TRIM24: variants seen among roughly 807,000 people sequenced by gnomAD.
The protein encoded by TRIM24 is transcription intermediary factor 1-alpha.
TRIM24 carries 29 observed loss-of-function variants against 123.9 expected under a neutral mutation model. The observed-to-expected ratio is 0.23, with a 90% CI of 0.17 to 0.32. The LOEUF is 0.32. Ranked by LOEUF, TRIM24 falls within the 10% of genes least tolerant of loss-of-function variation. The pLI is 1.00. For synonymous variants in TRIM24, 456 were observed against 461.1 expected, an observed-to-expected ratio of 0.99 and a Z score of 0.14; for missense variants, 932 against 1,295.3, an observed-to-expected ratio of 0.72 and a Z score of 4.31.
intron 12 of TRIM24, among the ~76,000 whole-genome samples, chr7:138,575,921 T>TATCA (rs763176773): frequency 1.3e-5 from 2 of 152,226 alleles, no homozygotes; most frequent in Admixed American, 1.3e-4. Flanking sequence ...ACTCCTTTTC[T>TATCA]ATCAGCCCGT....
intron 11 of TRIM24, 109 bp downstream of exon 11, chr7:138,571,112 T>G: frequency 8.7e-7 from 1 of 1,149,654 alleles, no homozygotes; most frequent in Non-Finnish European, 1.3e-6. Flanking sequence ...GACAGATTAC[T>G]TGAGGTCAGG....
intron 6 of TRIM24, among the ~76,000 whole-genome samples, chr7:138,533,530 T>A (rs895050245): frequency 1.3e-5 from 2 of 152,212 alleles, no homozygotes; most frequent in Non-Finnish European, 2.9e-5. Flanking sequence ...TTGATTTGCA[T>A]GTGTTGAACC....
intron 5 of TRIM24, among the ~76,000 whole-genome samples, chr7:138,528,036 A>G (rs985125010): frequency 6.6e-6 from 1 of 151,384 alleles, no homozygotes; most frequent in Non-Finnish European, 1.5e-5. Context: ...GAACAAAGGC[A>G]GTTAATCATA....
intron 1 of TRIM24, among the ~76,000 whole-genome samples, chr7:138,484,675 T>G (rs2116484900): frequency 6.6e-6 from 1 of 152,284 alleles, no homozygotes; most frequent in Admixed American, 6.5e-5. Context: ...ATGAATTTTT[T>G]TGTAGAGTTA....
chr7:138,531,212 T>C (rs1433541477), intron 6 of TRIM24, among the ~76,000 whole-genome samples: 2 of 147,090 alleles, frequency 1.4e-5, no homozygotes, highest in Admixed American at 6.7e-5. Flanking sequence ...CATGTATACG[T>C]GTATGTTACA....
Position 138,476,232 on chromosome 7 carries a change from A to G in TRIM24, c.364+15320A>G, listed in dbSNP as rs144715731. On this transcript the variant is annotated intron_variant, in intron 1 of 18. Coordinates refer to ENST00000343526, the MANE Select transcript of TRIM24 (RefSeq NM_015905.3). Reference sequence around the variant, plus strand: ...GGTCATCTATTGCATATAAGAGAATATACATTTTTGTAAATGCGCATGGGA... The same window carrying G: ...GGTCATCTATTGCATATAAGAGAATGTACATTTTTGTAAATGCGCATGGGA... 1.1e-3 allele frequency among the ~76,000 whole-genome samples: 160 copies of G among 152,344 alleles called. 1 individual carries two copies. In the East Asian group the frequency reaches 0.022, roughly 21 times the overall value.
At chr7:138,562,918 C>G (rs986262481) in intron 9 of TRIM24, among the ~76,000 whole-genome samples, 1 of 152,146 alleles carries the variant, frequency 6.6e-6, no homozygotes, top group East Asian at 1.9e-4. Flanking sequence ...GAGTAGGTCT[C>G]TCCCCAGCAG....
chr7:138,508,692 T>TGTGCGCGCGTGCGC (rs1422176564), intron 2 of TRIM24, among the ~76,000 whole-genome samples: 3 of 137,214 alleles, frequency 2.2e-5, no homozygotes, highest in Non-Finnish European at 4.7e-5. Context: ...TGTGTGTGTG[T>TGTGCGCGCGTGCGC]GCGCGCGCGT....
chr7:138,507,261 T>G (rs1211119214), intron 2 of TRIM24, among the ~76,000 whole-genome samples: 2 of 152,100 alleles, frequency 1.3e-5, no homozygotes, highest in African/African-American at 4.8e-5. Context: ...CCTAGATCAA[T>G]AGCCATCAAC....
At position 138,522,278 on chromosome 7, in the gene TRIM24, G is replaced by A. The variant is rs984816488; in HGVS notation, c.764+2957G>A. Among the ~76,000 whole-genome samples the A allele has an allele frequency of 7.2e-5, 11 of 151,930 alleles. 1 individual carries two copies. In the South Asian group the frequency reaches 1.7e-3, roughly 23 times the overall value. ...TCGAACCCAGGAGGTGGAGGTTGCA[G>A]TGAGCTGAGATGGCACCATTGCACC... On this transcript the variant is annotated intron_variant, in intron 4 of 18. Transcript: ENST00000343526.
chr7:138,515,171 T>C (rs1796370312), intron 2 of TRIM24, 41 bp from the exon 3 acceptor site: 1 of 1,587,810 alleles, frequency 6.3e-7, no homozygotes, highest in African/African-American at 1.3e-5. Context: ...GACCACCTTT[T>C]CATTTTCTCA....
At position 138,504,372 on chromosome 7, in the gene TRIM24, T is replaced by C; in HGVS notation, c.447T>C (p.Thr149=). Residue 149 remains threonine (T), a synonymous_variant, in exon 2 of 19, where the codon ACT becomes ACC. Transcript: ENST00000343526. The part of the protein sequence containing the change: ...IIDNFFVKDT[T]EVPSSTVEKS... ...ATAACTTTTTTGTGAAGGACACTACTGAGGTTCCCAGCAGTACAGTAGAAA... is the reference window on the plus strand; with the variant it reads ...ATAACTTTTTTGTGAAGGACACTACCGAGGTTCCCAGCAGTACAGTAGAAA... 1 of 1,602,256 alleles carries C rather than the reference T, an allele frequency of 6.2e-7. No homozygotes were observed. Among genetic ancestry groups the C allele is most frequent in the East Asian group, 2.3e-5 (1 of 43,966 alleles).
At chr7:138,541,294 G>GA (rs986742989) in intron 7 of TRIM24, among the ~76,000 whole-genome samples, 10 of 150,682 alleles carry the variant, frequency 6.6e-5, no homozygotes, top group African/African-American at 1.7e-4. Context: ...ACCAAAAGGA[G>GA]AAAAAAAAAG....
chr7:138,550,318 G>GGTGTGTGTGTGTGTGT (rs10548154), intron 7 of TRIM24, among the ~76,000 whole-genome samples: 36 of 147,574 alleles, frequency 2.4e-4, no homozygotes, highest in African/African-American at 8.7e-4. Flanking sequence ...AGGAGTTGAT[G>GGTGTGTGTGTGTGTGT]GTGTGTGTGT....
At chr7:138,464,181 A>G (rs1438282681) in intron 1 of TRIM24, among the ~76,000 whole-genome samples, 1 of 151,278 alleles carries the variant, frequency 6.6e-6, no homozygotes, top group African/African-American at 2.4e-5. Context: ...ATTTTTTAGT[A>G]GAGACGGGGT....
chr7:138,551,264 C>A, intron 8 of TRIM24, 84 bp downstream of exon 8: 1 of 1,240,368 alleles, frequency 8.1e-7, no homozygotes, highest in Non-Finnish European at 1.2e-6. Flanking sequence ...AAAATATGTT[C>A]ACTTAGGCTG....
intron 5 of TRIM24, among the ~76,000 whole-genome samples, chr7:138,526,059 C>A (rs1322989451): frequency 6.6e-6 from 1 of 152,202 alleles, no homozygotes; most frequent in African/African-American, 2.4e-5. Context: ...CCCATGACCT[C>A]TTCTGTTGTT....
chr7:138,493,656 C>T (rs1795843333), intron 1 of TRIM24, among the ~76,000 whole-genome samples: 2 of 152,172 alleles, frequency 1.3e-5, no homozygotes, highest in South Asian at 4.1e-4. Context: ...TGCTGATCCT[C>T]AGGGAACTGC....
intron 7 of TRIM24, among the ~76,000 whole-genome samples, chr7:138,549,801 G>T (rs369641757): frequency 1.3e-5 from 2 of 152,140 alleles, no homozygotes; most frequent in Non-Finnish European, 2.9e-5. Context: ...GAAAATTGGT[G>T]TTAACAGAAG....
Sources: gnomAD v4.1 joint callset for allele counts (sites outside exome capture counted in the v4.1 genomes callset) on GRCh38, gnomAD v4.1.1 for gene constraint, MANE v1.5 for transcripts, NCBI Gene and HGNC (gene_info 2026-07-23, HGNC 2026-07-21) for gene names.